ACOT12: variants seen among roughly 807,000 people sequenced by gnomAD.
The protein encoded by ACOT12 is acetyl-coenzyme A thioesterase.
A neutral mutation model predicts 67.7 loss-of-function variants in ACOT12; 51 were observed. The ratio of observed to expected loss-of-function variants is 0.75; its 90% CI spans 0.60 to 0.95. The LOEUF (loss-of-function observed/expected upper bound fraction) is 0.95. Ranked by LOEUF, ACOT12 falls within the 40% of genes least tolerant of loss-of-function variation. The pLI, the probability that ACOT12 is intolerant of heterozygous loss-of-function variation, is 0.00. For missense variants in ACOT12, 734 were observed against 708.1 expected, an observed-to-expected ratio of 1.04 and a Z score of -0.41; for synonymous variants, 251 against 244.6, an observed-to-expected ratio of 1.03 and a Z score of -0.24.
At chr5:81,364,329 A>G (rs1760009273) in intron 3 of ACOT12, among the ~76,000 whole-genome samples, 1 of 151,688 alleles carries the variant, frequency 6.6e-6, no homozygotes, top group African/African-American at 2.4e-5. Flanking sequence ...CATAATATAT[A>G]CACACATTTT....
intron 1 of ACOT12, among the ~76,000 whole-genome samples, chr5:81,389,276 G>A (rs906109042): frequency 1.3e-5 from 2 of 152,142 alleles, no homozygotes; most frequent in Non-Finnish European, 2.9e-5. Context: ...GGTGAGATGA[G>A]GCTGGAGTGA....
At chr5:81,360,189 A>AT in intron 4 of ACOT12, 151 bp from the exon 5 acceptor site, 1 of 693,274 alleles carries the variant, frequency 1.4e-6, no homozygotes, top group Non-Finnish European at 2.2e-6. Flanking sequence ...TTATGACTAA[A>AT]TTTTTTCTTA....
intron 5 of ACOT12, among the ~76,000 whole-genome samples, chr5:81,351,202 T>C (rs185414836): frequency 2.0e-5 from 3 of 152,344 alleles, no homozygotes; most frequent in Admixed American, 6.5e-5. Context: ...CCTTTCAATT[T>C]CTCTCTCTTT....
intron 12 of ACOT12, among the ~76,000 whole-genome samples, chr5:81,335,534 T>G (rs1758967219): frequency 3.3e-5 from 5 of 152,084 alleles, no homozygotes; most frequent in Admixed American, 2.6e-4. Context: ...CCAGCTAATT[T>G]TTGTGTATTT....
At position 81,347,950 on chromosome 5, in the gene ACOT12, A is replaced by T; in HGVS notation, c.497-20T>A. On this transcript the variant is annotated intron_variant, in intron 5 of 14. Coordinates refer to ENST00000307624, the MANE Select transcript of ACOT12 (RefSeq NM_130767.3). ...TGAGATCTGAAAGGTGGATGTAAAC[A>T]TTAATGATGGTGGAGTGAACCATAG... is the stretch of plus-strand genomic sequence containing the variant. 1.9e-6 allele frequency: 3 copies of T among 1,609,620 alleles called. No homozygotes were observed.
downstream of ACOT12, among the ~76,000 whole-genome samples, chr5:81,326,625 G>A (rs909421982): frequency 1.3e-5 from 2 of 152,142 alleles, no homozygotes; most frequent in Non-Finnish European, 2.9e-5. Context: ...AGACATATTG[G>A]GCTTGTGTCA....
chr5:81,391,800 TA>T (rs1308315024), intron 1 of ACOT12, among the ~76,000 whole-genome samples: 1 of 152,114 alleles, frequency 6.6e-6, no homozygotes, highest in African/African-American at 2.4e-5. Flanking sequence ...GAGACTCCTT[TA>T]GGGGGTAACA....
At chr5:81,309,674 T>C in the ACOT12 span, among the ~76,000 whole-genome samples, 1 of 152,332 alleles carries the variant, frequency 6.6e-6, no homozygotes, top group East Asian at 1.9e-4. Context: ...AGCATAGCTT[T>C]TGGAGTTGGT....
chr5:81,394,030 CCGCGCTCAGCTCGCCG>C lies in ACOT12; in HGVS notation c.69_84del (p.Glu25SerfsTer42). 6.8e-7 allele frequency: 1 copy of C among 1,467,662 alleles called. No individual in the cohort carries two copies. 90.9% of individuals were successfully genotyped at this position (1,467,662 alleles called of 1,614,324 possible). A position where few individuals can be genotyped will look rare whatever the true frequency, so the allele number is the denominator to read the frequency against. ...GTGTCGATCCACTTGAGCAGCTGCC[CCGCGCTCAGCTCGCCG>C]CGCGCAGTGGCGTGCGCCGGCTGGA... is the stretch of plus-strand genomic sequence containing the variant. On this transcript the variant is annotated frameshift_variant, in exon 1 of 15. Coordinates refer to ENST00000307624, the MANE Select transcript of ACOT12 (RefSeq NM_130767.3). LOFTEE classifies it high-confidence loss of function.
At chr5:81,369,632 G>A (rs1760186726) in intron 3 of ACOT12, among the ~76,000 whole-genome samples, 1 of 152,146 alleles carries the variant, frequency 6.6e-6, no homozygotes, top group Admixed American at 6.5e-5. Flanking sequence ...GGAGGCTAGG[G>A]TTTACTTTCC....
intron 2 of ACOT12, among the ~76,000 whole-genome samples, chr5:81,379,426 C>G (rs1358650754): frequency 6.6e-6 from 1 of 151,882 alleles, no homozygotes; most frequent in Non-Finnish European, 1.5e-5. Context: ...ACGTGTATAC[C>G]TATGTAACAA....
At chr5:81,354,409 T>C (rs1341248815) in intron 5 of ACOT12, among the ~76,000 whole-genome samples, 1 of 152,228 alleles carries the variant, frequency 6.6e-6, no homozygotes, top group Non-Finnish European at 1.5e-5. Context: ...TGTCTGCTGC[T>C]GATTTCACTT....
chr5:81,336,479 A>G (rs562194705), intron 11 of ACOT12, among the ~76,000 whole-genome samples: 2 of 152,154 alleles, frequency 1.3e-5, no homozygotes, highest in Non-Finnish European at 2.9e-5. Flanking sequence ...CAGTGGCTGG[A>G]TCATCCTTCT....
chr5:81,369,599 C>A (rs920163771), intron 3 of ACOT12, among the ~76,000 whole-genome samples: 2 of 152,084 alleles, frequency 1.3e-5, no homozygotes, highest in Non-Finnish European at 2.9e-5. Flanking sequence ...TTCTGCACGG[C>A]GGATCAGGCC....
intron 2 of ACOT12, among the ~76,000 whole-genome samples, chr5:81,376,516 A>C (rs557505687): frequency 6.6e-6 from 1 of 151,930 alleles, no homozygotes; most frequent in African/African-American, 2.4e-5. Context: ...AGATAGAGAC[A>C]TGAAAACCCT....
intron 1 of ACOT12, among the ~76,000 whole-genome samples, chr5:81,393,632 G>A (rs111727891): frequency 0.16 from 23,834 of 152,062 alleles, 2,354 homozygotes; most frequent in Admixed American, 0.23. Flanking sequence ...TGGGAGGATC[G>A]CTTTAGCTCA....
chr5:81,381,392 C>T (rs1175235299), intron 2 of ACOT12, among the ~76,000 whole-genome samples: 1 of 152,086 alleles, frequency 6.6e-6, no homozygotes, highest in East Asian at 1.9e-4. Flanking sequence ...TATGGGACCA[C>T]TGTCACTGAC....
chr5:81,390,890 A>G (rs1159144128), intron 1 of ACOT12, among the ~76,000 whole-genome samples: 1 of 152,214 alleles, frequency 6.6e-6, no homozygotes, highest in Middle Eastern at 3.2e-3. Flanking sequence ...ATGAATCTCC[A>G]TTGATCATCT....
the ACOT12 span, among the ~76,000 whole-genome samples, chr5:81,323,494 A>G: frequency 6.6e-6 from 1 of 152,234 alleles, no homozygotes; most frequent in Non-Finnish European, 1.5e-5. Context: ...AGTCCATTGC[A>G]AAAATACTTT....
Sources: allele counts gnomAD v4.1 joint callset (sites outside exome capture counted in the v4.1 genomes callset), GRCh38; gene constraint gnomAD v4.1.1; transcripts MANE v1.5; gene names NCBI Gene and HGNC (gene_info 2026-07-23, HGNC 2026-07-21).